The following TTC7B variants were observed in gnomAD, a reference collection of about 807,000 sequenced individuals.
TTC7B encodes tetratricopeptide repeat protein 7B.
A neutral mutation model predicts 106.8 loss-of-function variants in TTC7B; 28 were observed. The observed-to-expected ratio is 0.26, with a 90% CI of 0.19 to 0.36. The LOEUF (loss-of-function observed/expected upper bound fraction) is 0.36. Ranked by LOEUF, TTC7B falls within the 10% of genes least tolerant of loss-of-function variation. TTC7B has a pLI of 1.00. For synonymous variants in TTC7B, 405 were observed against 430.6 expected, an observed-to-expected ratio of 0.94 and a Z score of 0.74; for missense variants, 862 against 1,076.4, an observed-to-expected ratio of 0.80 and a Z score of 2.79.
chr14:90,773,578 C>G (rs1446979433), intron 3 of TTC7B, among the ~76,000 whole-genome samples: 1 of 152,194 alleles, frequency 6.6e-6, no homozygotes, highest in African/African-American at 2.4e-5. Flanking sequence ...CCATGCCAGA[C>G]TCTCCATCAG....
chr14:90,689,878 A>T (rs1887401712), intron 6 of TTC7B, among the ~76,000 whole-genome samples, 166 bp from the exon 7 acceptor site: 1 of 152,240 alleles, frequency 6.6e-6, no homozygotes, highest in African/African-American at 2.4e-5. Context: ...GTTTATGACA[A>T]GAAAGAAAAG....
At chr14:90,812,286 TC>T (rs778377211) in intron 1 of TTC7B, among the ~76,000 whole-genome samples, 1 of 152,088 alleles carries the variant, frequency 6.6e-6, no homozygotes, top group Non-Finnish European at 1.5e-5. Flanking sequence ...GGTGACCTCA[TC>T]ATTGGGAGGC....
At chr14:90,580,445 A>G (rs970805784) in intron 18 of TTC7B, among the ~76,000 whole-genome samples, 1 of 152,108 alleles carries the variant, frequency 6.6e-6, no homozygotes, top group Non-Finnish European at 1.5e-5. Flanking sequence ...TGGGATTAGA[A>G]CCCCAGCCAC....
At chr14:90,615,930 A>T (rs1349141322) in intron 16 of TTC7B, among the ~76,000 whole-genome samples, 1 of 152,138 alleles carries the variant, frequency 6.6e-6, no homozygotes, top group African/African-American at 2.4e-5. Flanking sequence ...CACTGCCTGG[A>T]GCCAGGGTCC....
At chr14:90,631,528 C>T (rs1182092800) in intron 15 of TTC7B, among the ~76,000 whole-genome samples, 1 of 151,830 alleles carries the variant, frequency 6.6e-6, no homozygotes, top group African/African-American at 2.4e-5. Flanking sequence ...TCTGCCTTAG[C>T]CACCCGAGAA....
chr14:90,771,422 C>A (rs1260625078), intron 3 of TTC7B, among the ~76,000 whole-genome samples: 1 of 152,044 alleles, frequency 6.6e-6, no homozygotes, highest in Non-Finnish European at 1.5e-5. Flanking sequence ...GTCCAAACCC[C>A]ATCTCTACAA....
rs1891197577 is a variant in TTC7B, at chr14:90,780,837, C to T, written c.346G>A (p.Ala116Thr). Reference sequence around the variant, plus strand: ...CCCACCCGGGCGTAAATGTTCAGAGCTTCTTTATAATCACCTTCCACATAA... The same window carrying T: ...CCCACCCGGGCGTAAATGTTCAGAGTTTCTTTATAATCACCTTCCACATAA... ...LNYVEGDYKE[A>T]LNIYARVGLD... Residue 116 changes from alanine (A) to threonine (T), a missense_variant, in exon 3 of 20, where the codon GCT (alanine) becomes ACT (threonine). Ala to Thr is a moderately conservative substitution (Grantham distance 58). Transcript: ENST00000328459. 6.2e-7 allele frequency: 1 copy of T among 1,614,136 alleles called. No homozygotes were observed. The highest frequency in any genetic ancestry group is 1.3e-5 in the African/African-American group (1 of 74,952).
chr14:90,743,108 C>T (rs1380601711), intron 4 of TTC7B, among the ~76,000 whole-genome samples: 1 of 152,170 alleles, frequency 6.6e-6, no homozygotes, highest in African/African-American at 2.4e-5. Context: ...ATCGTAAATT[C>T]TGAATAACAA....
rs910534416 is a variant in TTC7B, at chr14:90,602,217, G to A, written c.1966+8525C>T. ...ACTGATTTCCTAGGGTGGAAAAAACGATTACATTAGTTTGGGAACACTGGG... is the reference window on the plus strand; with the variant it reads ...ACTGATTTCCTAGGGTGGAAAAAACAATTACATTAGTTTGGGAACACTGGG... On this transcript the variant is annotated intron_variant, in intron 17 of 19. Coordinates refer to ENST00000328459, the MANE Select transcript of TTC7B (RefSeq NM_001010854.2). 2.9e-5 allele frequency: 13 copies of A among 455,908 alleles called. No homozygotes were observed. In the East Asian group the frequency reaches 4.9e-4, roughly 17 times the overall value. The allele number at this position is 455,908 out of a possible 1,614,324, so 28.2% of individuals were successfully genotyped here.
chr14:90,564,650 G>A (rs983744870), intron 19 of TTC7B, among the ~76,000 whole-genome samples: 3 of 152,208 alleles, frequency 2.0e-5, no homozygotes, highest in Non-Finnish European at 2.9e-5. Context: ...GTTCAGGCCT[G>A]TAATTTCAAC....
chr14:90,745,710 T>TC (rs1326940018), intron 3 of TTC7B, among the ~76,000 whole-genome samples: 1 of 150,920 alleles, frequency 6.6e-6, no homozygotes, highest in East Asian at 1.9e-4. Flanking sequence ...TGTTTTTCTT[T>TC]TTTTTTTTTT....
At chr14:90,666,457 G>A (rs371761358) in intron 9 of TTC7B, among the ~76,000 whole-genome samples, 5 of 152,234 alleles carry the variant, frequency 3.3e-5, no homozygotes, top group South Asian at 2.1e-4. Context: ...CACCACACTC[G>A]GCACTCCTAA....
chr14:90,654,947 G>T, intron 12 of TTC7B, 46 bp downstream of exon 12: 1 of 1,415,534 alleles, frequency 7.1e-7, no homozygotes, highest in Non-Finnish European at 1.0e-6. Context: ...GACTTAGGTA[G>T]TCCAGCCCTG....
At chr14:90,778,942 C>T (rs1015383538) in intron 3 of TTC7B, among the ~76,000 whole-genome samples, 3 of 152,238 alleles carry the variant, frequency 2.0e-5, no homozygotes, top group Non-Finnish European at 4.4e-5. Flanking sequence ...TTGTTCAACA[C>T]TGCAGAAGAC....
chr14:90,778,129 GC>G (rs1891094453), intron 3 of TTC7B, among the ~76,000 whole-genome samples: 1 of 152,112 alleles, frequency 6.6e-6, no homozygotes. Context: ...AGGGCCTGGA[GC>G]CCCCAGGCTG....
rs1855351208 is a variant in TTC7B at position 90,600,813 on chromosome 14, T to C, written c.1967-7187A>G. Among the ~76,000 whole-genome samples the C allele has an allele frequency of 6.6e-6, 1 of 152,202 alleles. No homozygotes were observed. The highest frequency in any genetic ancestry group is 1.5e-5 in the Non-Finnish European group (1 of 68,040). On this transcript the variant is annotated intron_variant, in intron 17 of 19. Transcript: ENST00000328459. The surrounding 1 kb of genome is among the most constrained non-coding windows in gnomAD (Gnocchi z 4.3). ...AGCTGTCAGAGCGAGCCGCTGCCGG[T>C]GGCTCTGCGCTAGAGACAGTACCTT...
chr14:90,734,553 T>C (rs1205589398), intron 4 of TTC7B, among the ~76,000 whole-genome samples: 1 of 152,110 alleles, frequency 6.6e-6, no homozygotes, highest in East Asian at 1.9e-4. Flanking sequence ...AAGACTTCAG[T>C]ATTATGGACA....
At chr14:90,784,988 T>A (rs4904731) in intron 2 of TTC7B, among the ~76,000 whole-genome samples, 23 of 151,956 alleles carry the variant, frequency 1.5e-4, no homozygotes, top group African/African-American at 5.3e-4. Context: ...AGGCCCTCCA[T>A]TGCAGCAGGG....
chr14:90,728,759 G>A (rs369658743), intron 5 of TTC7B, among the ~76,000 whole-genome samples: 2 of 152,312 alleles, frequency 1.3e-5, no homozygotes, highest in East Asian at 1.9e-4. Flanking sequence ...CCTCCAGGGG[G>A]ATTAATTCCC....
Sources: allele counts gnomAD v4.1 joint callset (sites outside exome capture counted in the v4.1 genomes callset), GRCh38; gene constraint gnomAD v4.1.1; non-coding constraint Gnocchi (gnomAD v3.1); transcripts MANE v1.5; gene names NCBI Gene and HGNC (gene_info 2026-07-23, HGNC 2026-07-21).